The following DYNC1I1 variants were observed in gnomAD, a reference collection of about 807,000 sequenced individuals.
DYNC1I1 encodes cytoplasmic dynein 1 intermediate chain 1.
Under a neutral mutation model 86.6 loss-of-function variants are expected in DYNC1I1, and 43 were observed. That is an observed-to-expected ratio of 0.50 (90% CI 0.39 to 0.64). The LOEUF (loss-of-function observed/expected upper bound fraction) is 0.64. Among genes scored for constraint, DYNC1I1 ranks in the 30% least tolerant of loss-of-function variants. DYNC1I1 has a pLI of 0.00. For missense variants in DYNC1I1, 604 were observed against 788.8 expected (o/e 0.77, Z 2.81); for synonymous variants, 262 against 283.7 (o/e 0.92, Z 0.77).
chr7:95,849,909 A>G (rs1029114125), intron 5 of DYNC1I1, among the ~76,000 whole-genome samples: 1 of 152,084 alleles, frequency 6.6e-6, no homozygotes, highest in Non-Finnish European at 1.5e-5. Flanking sequence ...AGTATTTTAT[A>G]GTTTTCAGTA....
chr7:95,790,724 T>C lies in DYNC1I1; in HGVS notation c.-9-13997T>C, dbSNP rs140647155. ...AATAGAGATGATATGGCCAACAGAG[T>C]GGGGCAAGAGAAGATGCAAAAAAAC... On this transcript the variant is annotated intron_variant, in intron 1 of 16. Coordinates refer to ENST00000447467, the MANE Select transcript of DYNC1I1 (RefSeq NM_001135556.2). Among the ~76,000 whole-genome samples the C allele has an allele frequency of 5.2e-3, 796 of 151,788 alleles. 6 individuals are homozygous for C. Among genetic ancestry groups the C allele is most frequent in the African/African-American group, 0.018 (756 of 41,366 alleles).
intron 6 of DYNC1I1, among the ~76,000 whole-genome samples, chr7:95,922,499 A>G (rs1791636867): frequency 6.6e-6 from 1 of 152,104 alleles, no homozygotes; most frequent in Admixed American, 6.6e-5. Flanking sequence ...GAAAGTAAAA[A>G]CCACACATGA....
At chr7:95,939,055 C>T (rs1480066341) in intron 6 of DYNC1I1, among the ~76,000 whole-genome samples, 2 of 152,054 alleles carry the variant, frequency 1.3e-5, no homozygotes, top group African/African-American at 4.8e-5. Context: ...TCATTATGCA[C>T]CCAGTAGTCA....
chr7:95,828,256 T>C, intron 5 of DYNC1I1, 140 bp downstream of exon 5: 3 of 899,342 alleles, frequency 3.3e-6, no homozygotes, highest in Non-Finnish European at 3.6e-6. Context: ...CTGTTGATTT[T>C]CCTTATAAAG....
intron 6 of DYNC1I1, among the ~76,000 whole-genome samples, chr7:95,909,150 G>A (rs1791254589): frequency 6.8e-6 from 1 of 147,612 alleles, no homozygotes; most frequent in African/African-American, 2.5e-5. Context: ...AAGTTCATGG[G>A]GAGGAGAAAG....
intron 6 of DYNC1I1, among the ~76,000 whole-genome samples, chr7:95,969,024 T>C (rs1793095685): frequency 6.6e-6 from 1 of 152,222 alleles, no homozygotes; most frequent in Non-Finnish European, 1.5e-5. Flanking sequence ...TGGCCCTGCT[T>C]ACGAGAATGT....
At chr7:95,957,389 TA>T (rs1207420637) in intron 6 of DYNC1I1, among the ~76,000 whole-genome samples, 1 of 152,070 alleles carries the variant, frequency 6.6e-6, no homozygotes, top group African/African-American at 2.4e-5. Context: ...AAACTGCCCC[TA>T]AAGTCAATAT....
At chr7:96,087,787 G>A (rs1174679095) in intron 16 of DYNC1I1, among the ~76,000 whole-genome samples, 1 of 152,160 alleles carries the variant, frequency 6.6e-6, no homozygotes, top group African/African-American at 2.4e-5. Flanking sequence ...CAGCCCCAAT[G>A]CTGTGCTATT....
intron 16 of DYNC1I1, among the ~76,000 whole-genome samples, chr7:96,105,636 GTT>G (rs1482427974): frequency 6.6e-6 from 1 of 152,066 alleles, no homozygotes; most frequent in African/African-American, 2.4e-5. Context: ...TCTTTGTCAG[GTT>G]TTAGTAACAT....
chr7:95,828,549 T>C (rs1795253255), intron 5 of DYNC1I1, among the ~76,000 whole-genome samples: 1 of 152,100 alleles, frequency 6.6e-6, no homozygotes, highest in Admixed American at 6.6e-5. Flanking sequence ...TTTCAGTTTT[T>C]GGGGAACTCA....
intron 6 of DYNC1I1, among the ~76,000 whole-genome samples, chr7:95,970,762 G>T (rs1793145830): frequency 6.6e-6 from 1 of 152,068 alleles, no homozygotes; most frequent in Non-Finnish European, 1.5e-5. Flanking sequence ...GGTCTTTGAG[G>T]GACATTTACT....
At chr7:95,805,324 T>G (rs945155337) in intron 2 of DYNC1I1, among the ~76,000 whole-genome samples, 15 of 152,150 alleles carry the variant, frequency 9.9e-5, no homozygotes, top group African/African-American at 3.6e-4. Context: ...TAGAAAACTA[T>G]GCCAATGGAT....
intron 11 of DYNC1I1, 69 bp downstream of exon 11, chr7:96,028,390 A>G (rs950194968): frequency 2.1e-5 from 32 of 1,543,818 alleles, no homozygotes; most frequent in Middle Eastern, 1.8e-4. Context: ...TCTACTCAAA[A>G]AAGTATGGAT....
intron 6 of DYNC1I1, among the ~76,000 whole-genome samples, chr7:95,939,556 A>C (rs319293): frequency 0.7 from 104,199 of 149,150 alleles, 37,061 homozygotes; most frequent in East Asian, 0.89. Flanking sequence ...ATGTAATGGC[A>C]TTCTTTGTCT....
chr7:96,061,630 G>T (rs1753885276), intron 14 of DYNC1I1, among the ~76,000 whole-genome samples: 1 of 151,660 alleles, frequency 6.6e-6, no homozygotes, highest in South Asian at 2.1e-4. Context: ...CCCCCAGAGT[G>T]CTTGATTTGG....
intron 5 of DYNC1I1, among the ~76,000 whole-genome samples, chr7:95,867,151 G>C (rs1790035563): frequency 6.6e-6 from 1 of 152,178 alleles, no homozygotes; most frequent in Non-Finnish European, 1.5e-5. Flanking sequence ...TGTTGTCAGA[G>C]ATCATCTTCA....
At chr7:95,918,186 T>C (rs1174386792) in intron 6 of DYNC1I1, among the ~76,000 whole-genome samples, 8 of 152,164 alleles carry the variant, frequency 5.3e-5, no homozygotes, top group Non-Finnish European at 1.2e-4. Flanking sequence ...TACTCTTCTG[T>C]TGCACAGGAG....
intron 5 of DYNC1I1, among the ~76,000 whole-genome samples, chr7:95,867,251 C>A (rs1790038450): frequency 6.6e-6 from 1 of 152,138 alleles, no homozygotes. Context: ...TTATTATAAT[C>A]ATCAGAACAG....
chr7:95,982,472 T>C (rs562042956), intron 7 of DYNC1I1, among the ~76,000 whole-genome samples: 23 of 152,118 alleles, frequency 1.5e-4, no homozygotes, highest in African/African-American at 5.5e-4. Context: ...AAAGCTGAGA[T>C]CAAAGTGACA....
Sources: allele counts gnomAD v4.1 joint callset (sites outside exome capture counted in the v4.1 genomes callset), GRCh38; gene constraint gnomAD v4.1.1; transcripts MANE v1.5; gene names NCBI Gene and HGNC (gene_info 2026-07-23, HGNC 2026-07-21).